Variants in TEAD1 observed in about 807,000 individuals in gnomAD.
TEAD1 encodes transcriptional enhancer factor TEF-1.
A neutral mutation model predicts 54.9 loss-of-function variants in TEAD1; 9 were observed. The observed-to-expected ratio is 0.16, with a 90% CI of 0.10 to 0.29. TEAD1 has a LOEUF of 0.29. TEAD1 is among the 10% of genes least tolerant of loss of function. The probability of loss-of-function intolerance (pLI) is 1.00; values close to 1 mark genes in which losing one functional copy is unlikely to be tolerated. For missense variants in TEAD1, 387 were observed against 535.9 expected (o/e 0.72, Z 2.74); for synonymous variants, 200 against 187.8 (o/e 1.07, Z -0.53).
intron 3 of TEAD1, among the ~76,000 whole-genome samples, chr11:12,795,537 G>C (rs1179305862): frequency 1.3e-5 from 2 of 152,228 alleles, no homozygotes; most frequent in Admixed American, 1.3e-4. Context: ...ACTCAGGCCA[G>C]CCTGTCCAAA....
intron 3 of TEAD1, among the ~76,000 whole-genome samples, chr11:12,833,635 A>G (rs2134020910): frequency 6.6e-6 from 1 of 152,186 alleles, no homozygotes. Context: ...TAAAAAAAAA[A>G]GCGTTGGTTC....
At chr11:12,756,020 A>G (rs560855344) in intron 2 of TEAD1, among the ~76,000 whole-genome samples, 12 of 152,290 alleles carry the variant, frequency 7.9e-5, no homozygotes, top group African/African-American at 2.6e-4. Flanking sequence ...CATGAAATCA[A>G]TCAGAGCTTT....
At chr11:12,699,741 A>G (rs1438744350) in intron 2 of TEAD1, among the ~76,000 whole-genome samples, 1 of 152,230 alleles carries the variant, frequency 6.6e-6, no homozygotes, top group Non-Finnish European at 1.5e-5. Context: ...TGCCCAATAC[A>G]TATTTGTTGA....
chr11:12,897,831 C>A (rs775998285), intron 9 of TEAD1, among the ~76,000 whole-genome samples: 23 of 152,180 alleles, frequency 1.5e-4, no homozygotes, highest in Non-Finnish European at 2.8e-4. Flanking sequence ...CCCAAATCAA[C>A]TTTCAAAAAA....
At chr11:12,895,124 A>G (rs1353183360) in intron 9 of TEAD1, among the ~76,000 whole-genome samples, 1 of 152,164 alleles carries the variant, frequency 6.6e-6, no homozygotes, top group African/African-American at 2.4e-5. Flanking sequence ...CTCCCTAAGC[A>G]GCAAAGAACA....
chr11:12,814,565 A>G (rs1266725699), intron 3 of TEAD1, among the ~76,000 whole-genome samples: 1 of 152,174 alleles, frequency 6.6e-6, no homozygotes, highest in Admixed American at 6.5e-5. Context: ...GCCTAGTGCC[A>G]TGGAAGGGAA....
At chr11:12,814,777 CTGTGTGTGTGTGTGTGTG>C (rs397842274) in intron 3 of TEAD1, among the ~76,000 whole-genome samples, 16,075 of 105,768 alleles carry the variant, frequency 0.15, 1,516 homozygotes, top group East Asian at 0.49. Context: ...TCGCAGAGCT[CTGTGTGTGTGTGTGTGTG>C]TGTGTGTGTG....
intron 3 of TEAD1, among the ~76,000 whole-genome samples, chr11:12,850,867 G>C (rs1267656951): frequency 6.6e-6 from 1 of 152,154 alleles, no homozygotes; most frequent in Non-Finnish European, 1.5e-5. Flanking sequence ...CTGTGGCTTG[G>C]GGAAGTGGCA....
intron 3 of TEAD1, among the ~76,000 whole-genome samples, chr11:12,836,790 T>C (rs1946901699): frequency 6.6e-6 from 1 of 152,182 alleles, no homozygotes; most frequent in Non-Finnish European, 1.5e-5. Context: ...TAGAGGTTAT[T>C]TTGGTAAACT....
intron 3 of TEAD1, among the ~76,000 whole-genome samples, chr11:12,791,596 G>A (rs74492469): frequency 0.011 from 1,730 of 152,262 alleles, 16 homozygotes; most frequent in Middle Eastern, 0.017. Context: ...AGGTGGGTGC[G>A]TGTGGGGATG....
intron 5 of TEAD1, among the ~76,000 whole-genome samples, chr11:12,865,993 CT>C (rs142282774): frequency 2.6e-4 from 40 of 152,098 alleles, no homozygotes; most frequent in Admixed American, 6.5e-4. Context: ...AGTCCTTCGA[CT>C]TTTTTTTATG....
chr11:12,784,960 C>T (rs1243884609), intron 3 of TEAD1, among the ~76,000 whole-genome samples: 5 of 152,218 alleles, frequency 3.3e-5, no homozygotes, highest in Non-Finnish European at 7.3e-5. Flanking sequence ...CTCCAGCTTG[C>T]TCTCTTGGGG....
At chr11:12,898,397 A>G (rs975621383) in intron 9 of TEAD1, among the ~76,000 whole-genome samples, 2 of 143,064 alleles carry the variant, frequency 1.4e-5, no homozygotes, top group Non-Finnish European at 1.5e-5. Context: ...GAACATGAAC[A>G]CTTTTTTTTT....
intron 2 of TEAD1, among the ~76,000 whole-genome samples, chr11:12,731,807 C>G (rs1381454998): frequency 6.6e-6 from 1 of 152,196 alleles, no homozygotes; most frequent in Non-Finnish European, 1.5e-5. Flanking sequence ...CTTACTCATT[C>G]TCTAGCCTCA....
chr11:12,765,945 C>G (rs1460687899), intron 3 of TEAD1, among the ~76,000 whole-genome samples: 1 of 152,130 alleles, frequency 6.6e-6, no homozygotes, highest in African/African-American at 2.4e-5. Flanking sequence ...TATTTTCATA[C>G]CTGAAAATGC....
At chr11:12,770,016 G>A (rs188668789) in intron 3 of TEAD1, among the ~76,000 whole-genome samples, 2 of 152,210 alleles carry the variant, frequency 1.3e-5, no homozygotes, top group Admixed American at 1.3e-4. Flanking sequence ...TTTATTTAAT[G>A]ATCTTAGATT....
Position 12,883,081 on chromosome 11 carries a change from G to A in TEAD1, c.655G>A (p.Val219Met). The change falls in exon 9 of 13, where the codon GTG becomes ATG. Residue 219 changes from valine (V) to methionine (M), a missense_variant. By Grantham distance (21) the Val-to-Met change is conservative. Transcript: ENST00000527636. The stretch of plus-strand genomic sequence containing the variant: ...CATTGGCACAACCAAGCTTCGCCTG[G>A]TGGAATTTTCAGCTTTTCTCGAGCA... The A allele has an allele frequency of 1.2e-6, 2 of 1,614,172 alleles. No homozygotes were observed. The highest frequency in any genetic ancestry group is 1.7e-6 in the Non-Finnish European group (2 of 1,180,050).
intron 9 of TEAD1, among the ~76,000 whole-genome samples, chr11:12,884,009 AG>A (rs1267162567): frequency 2.7e-5 from 4 of 148,454 alleles, no homozygotes; most frequent in African/African-American, 1.0e-4. Context: ...AAAAAAAAAA[AG>A]AAGAAGTAAC....
chr11:12,676,386 T>G (rs969363478), intron 2 of TEAD1, among the ~76,000 whole-genome samples: 3 of 152,206 alleles, frequency 2.0e-5, no homozygotes, highest in African/African-American at 7.2e-5. Flanking sequence ...GTGGGCTCCT[T>G]TCTCTGCAGG....
Sources: allele counts gnomAD v4.1 joint callset (sites outside exome capture counted in the v4.1 genomes callset), GRCh38; gene constraint gnomAD v4.1.1; transcripts MANE v1.5; gene names NCBI Gene and HGNC (gene_info 2026-07-23, HGNC 2026-07-21).